Variants in GRIN2B observed in about 807,000 individuals in gnomAD.
GRIN2B encodes the protein glutamate ionotropic receptor NMDA type subunit 2B.
GRIN2B carries 5 observed loss-of-function variants against 114.5 expected under a neutral mutation model. The ratio of observed to expected loss-of-function variants is 0.04; its 90% confidence interval spans 0.02 to 0.09. The LOEUF (loss-of-function observed/expected upper bound fraction) is 0.09, where lower values mean the gene tolerates loss of function less well. Among genes scored for constraint, GRIN2B ranks in the 10% least tolerant of loss-of-function variants. GRIN2B has a pLI of 1.00. For missense variants in GRIN2B, 1,108 were observed against 1,943.5 expected (o/e 0.57, Z 8.08); for synonymous variants, 787 against 745.1 (o/e 1.06, Z -0.92).
intron 10 of GRIN2B, among the ~76,000 whole-genome samples, chr12:13,592,290 T>C (rs1949018460): frequency 6.6e-6 from 1 of 152,160 alleles, no homozygotes; most frequent in South Asian, 2.1e-4. Flanking sequence ...AACAAGCTAT[T>C]GTTGTAAGAA....
chr12:13,807,046 T>C (rs914791205), intron 3 of GRIN2B, among the ~76,000 whole-genome samples: 1 of 152,194 alleles, frequency 6.6e-6, no homozygotes, highest in Non-Finnish European at 1.5e-5. Context: ...TAACACTTTA[T>C]ATAAACATAA....
chr12:13,944,732 G>A, intron 2 of GRIN2B, among the ~76,000 whole-genome samples: 1 of 152,102 alleles, frequency 6.6e-6, no homozygotes, highest in Non-Finnish European at 1.5e-5. Context: ...TAACTGACTT[G>A]AGTCCAAAAA....
chr12:13,564,741 G>T lies in GRIN2B; in HGVS notation c.2599-102C>A. 9.5e-7 allele frequency: 1 copy of T among 1,055,894 alleles called. No homozygotes were observed. Among genetic ancestry groups the T allele is most frequent in the Non-Finnish European group, 1.5e-6 (1 of 682,682 alleles). The allele number at this position is 1,055,894 out of a possible 1,614,324, so 65.4% of individuals were successfully genotyped here. A position where few individuals can be genotyped will look rare whatever the true frequency, so the allele number is the denominator to read the frequency against. ...AATTGCTCCAACTGGATAAGAAAAA[G>T]GGAAAGCATGAAGCGAATAGTCTAA... is the stretch of plus-strand genomic sequence containing the variant. On this transcript the variant is annotated intron_variant, in intron 13 of 13. Transcript: ENST00000609686. This position sits in a 1 kb window ranked among gnomAD's most constrained non-coding sequence, Gnocchi z 4.8.
intron 4 of GRIN2B, among the ~76,000 whole-genome samples, chr12:13,703,586 TACACATACACAC>T (rs1240892914): frequency 6.6e-6 from 1 of 152,170 alleles, no homozygotes; most frequent in African/African-American, 2.4e-5. Flanking sequence ...TCTCTCTCTC[TACACATACACAC>T]ACAAATATGC....
chr12:13,655,851 G>A (rs1949858641), intron 5 of GRIN2B, among the ~76,000 whole-genome samples: 1 of 152,190 alleles, frequency 6.6e-6, no homozygotes, highest in Admixed American at 6.5e-5. Context: ...CAGGGCTCCA[G>A]TTGCTTGAGA....
At chr12:13,959,843 A>G (rs1273692445) in intron 2 of GRIN2B, among the ~76,000 whole-genome samples, 1 of 143,622 alleles carries the variant, frequency 7.0e-6, no homozygotes, top group African/African-American at 2.6e-5. Context: ...TCTATCCACC[A>G]CTGGAGATAT....
chr12:13,911,083 A>T (rs544910265), intron 2 of GRIN2B, among the ~76,000 whole-genome samples: 1 of 152,230 alleles, frequency 6.6e-6, no homozygotes, highest in South Asian at 2.1e-4. Flanking sequence ...AGATACCTCT[A>T]CTGTCGCACC....
intron 4 of GRIN2B, among the ~76,000 whole-genome samples, chr12:13,692,169 C>A (rs1565502144): frequency 6.6e-6 from 1 of 152,034 alleles, no homozygotes; most frequent in South Asian, 2.1e-4. Flanking sequence ...AAGGAATATA[C>A]TTTTTTATTT....
At chr12:13,966,724 G>T (rs1408711591) in intron 2 of GRIN2B, among the ~76,000 whole-genome samples, 1 of 152,180 alleles carries the variant, frequency 6.6e-6, no homozygotes, top group Non-Finnish European at 1.5e-5. Flanking sequence ...GGAAACAGGG[G>T]AAGTCACGAT....
At position 13,901,861 on chromosome 12, in the gene GRIN2B, AT is replaced by A. The variant is rs1442737365; in HGVS notation, c.-18-35636del. On this transcript the variant is annotated intron_variant, in intron 2 of 13. Transcript: ENST00000609686. ...ATAGTCTCTGTATTTTACCTTTCAC[AT>A]TTATATCTCAAATAAATTTTTGTAT... is the stretch of plus-strand genomic sequence containing the variant. 2.0e-5 allele frequency among the ~76,000 whole-genome samples: 3 copies of A among 152,122 alleles called. No individual in the cohort carries two copies. The East Asian group carries it at 5.8e-4, about 29-fold the overall frequency.
At chr12:13,718,693 T>A (rs566464201) in intron 4 of GRIN2B, among the ~76,000 whole-genome samples, 6 of 152,138 alleles carry the variant, frequency 3.9e-5, no homozygotes, top group African/African-American at 1.4e-4. Context: ...TCACATGATA[T>A]CCCTGGTGGG....
intron 12 of GRIN2B, among the ~76,000 whole-genome samples, chr12:13,569,116 T>C (rs1467702916): frequency 6.6e-6 from 1 of 152,184 alleles, no homozygotes; most frequent in Non-Finnish European, 1.5e-5. Context: ...TCTCCTACTT[T>C]ATCCCTGAAG....
chr12:13,673,110 G>A (rs1045317211), intron 5 of GRIN2B, among the ~76,000 whole-genome samples: 3 of 152,240 alleles, frequency 2.0e-5, no homozygotes, highest in African/African-American at 7.2e-5. Flanking sequence ...TACCACAGAC[G>A]TATGGACAAA....
At chr12:13,714,352 G>T (rs1297523560) in intron 4 of GRIN2B, among the ~76,000 whole-genome samples, 3 of 151,878 alleles carry the variant, frequency 2.0e-5, no homozygotes, top group African/African-American at 7.2e-5. Context: ...CATGACAGAG[G>T]CTTGATATGG....
chr12:13,786,435 C>T (rs1269946986), intron 3 of GRIN2B, among the ~76,000 whole-genome samples: 1 of 152,182 alleles, frequency 6.6e-6, no homozygotes, highest in Non-Finnish European at 1.5e-5. Flanking sequence ...CTACTTTATG[C>T]ACTTGTCTCT....
At chr12:13,666,679 A>G (rs1054609008) in intron 5 of GRIN2B, among the ~76,000 whole-genome samples, 1 of 152,148 alleles carries the variant, frequency 6.6e-6, no homozygotes, top group Non-Finnish European at 1.5e-5. Context: ...TCCTGTATAC[A>G]TGAATTATTT....
At chr12:13,646,758 G>A (rs1267780019) in intron 5 of GRIN2B, among the ~76,000 whole-genome samples, 1 of 151,658 alleles carries the variant, frequency 6.6e-6, no homozygotes, top group Non-Finnish European at 1.5e-5. Flanking sequence ...CAAACTCCTG[G>A]GCTCAGACTA....
At chr12:13,807,850 T>C (rs896021293) in intron 3 of GRIN2B, among the ~76,000 whole-genome samples, 71 of 151,564 alleles carry the variant, frequency 4.7e-4, no homozygotes, top group African/African-American at 1.4e-3. Context: ...AGGACTGTCA[T>C]AGAATCAGGA....
chr12:13,939,147 G>A (rs969503127), intron 2 of GRIN2B, among the ~76,000 whole-genome samples: 6 of 152,168 alleles, frequency 3.9e-5, no homozygotes, highest in Admixed American at 6.5e-5. Flanking sequence ...CTTCAGTAGC[G>A]TTTAGTTATC....
Sources: gnomAD v4.1 joint callset for allele counts (sites outside exome capture counted in the v4.1 genomes callset) on GRCh38, gnomAD v4.1.1 for gene constraint, Gnocchi (gnomAD v3.1) non-coding constraint, MANE v1.5 for transcripts, NCBI Gene and HGNC (gene_info 2026-07-23, HGNC 2026-07-21) for gene names.